The following UPB1 variants were observed in gnomAD, a reference collection of about 807,000 sequenced individuals.
The protein encoded by UPB1 is beta-ureidopropionase.
In UPB1, 40 loss-of-function variants were observed where a neutral mutation model predicts 49.1. The ratio of observed to expected loss-of-function variants is 0.81; its 90% CI spans 0.63 to 1.06. The LOEUF (loss-of-function observed/expected upper bound fraction) is 1.06. Ranked by LOEUF, UPB1 falls within the 50% of genes least tolerant of loss-of-function variation. The probability of loss-of-function intolerance (pLI) is 0.00; values close to 1 mark genes in which losing one functional copy is unlikely to be tolerated. For missense variants in UPB1, 499 were observed against 505.9 expected, an observed-to-expected ratio of 0.99 and a Z score of 0.13; for synonymous variants, 207 against 198.2, an observed-to-expected ratio of 1.04 and a Z score of -0.38.
rs1372425967 is a variant in UPB1, at chr22:24,515,390, C to T, written c.791+20C>T. 59 of 1,613,840 alleles carry T rather than the reference C, an allele frequency of 3.7e-5. No individual in the cohort carries two copies. The highest frequency in any genetic ancestry group is 4.8e-5 in the Non-Finnish European group (57 of 1,179,916). The stretch of plus-strand genomic sequence containing the variant: ...ACTCAGGTCACTCAGTTGGTGGGGT[C>T]TGGGGGGCTTCCTGGGGCCCAGCCA... On this transcript the variant is annotated intron_variant, in intron 6 of 9. Coordinates refer to ENST00000326010, the MANE Select transcript of UPB1 (RefSeq NM_016327.3).
chr22:24,528,188 G>T lies in UPB1; in HGVS notation c.*2394G>T, dbSNP rs1475519094. ...AGGGTGTAATCAACCTAATACAGAAGCCAGCTTAGGTGACAAATTGGTACA... is the reference window on the plus strand; with the variant it reads ...AGGGTGTAATCAACCTAATACAGAATCCAGCTTAGGTGACAAATTGGTACA... On this transcript the variant is annotated 3_prime_UTR_variant, in exon 10 of 10. Coordinates refer to ENST00000326010, the MANE Select transcript of UPB1 (RefSeq NM_016327.3). 1 of 152,212 alleles carries T rather than the reference G, an allele frequency of 6.6e-6. No homozygotes were observed. The highest frequency in any genetic ancestry group is 1.5e-5 in the Non-Finnish European group (1 of 68,042). 9.4% of individuals were successfully genotyped at this position (152,212 alleles called of 1,614,324 possible).
chr22:24,511,478 T>G (rs894020896), intron 4 of UPB1, among the ~76,000 whole-genome samples: 1 of 152,044 alleles, frequency 6.6e-6, no homozygotes, highest in Non-Finnish European at 1.5e-5. Context: ...TGCACAACTC[T>G]GTGAATATCC....
At chr22:24,498,549 T>A (rs1218754426) in intron 1 of UPB1, among the ~76,000 whole-genome samples, 1 of 152,042 alleles carries the variant, frequency 6.6e-6, no homozygotes, top group East Asian at 1.9e-4. Flanking sequence ...CGGCCTCTCC[T>A]GTATTACCTT....
chr22:24,523,852 G>T lies in UPB1; in HGVS notation c.1071+79G>T. ...TGCTCTCAGGAACTGCTGTTGCGGG[G>T]TTGCCCATGGCAGCATGAGGTACCA... On this transcript the variant is annotated intron_variant, in intron 9 of 9. Coordinates refer to ENST00000326010, the MANE Select transcript of UPB1 (RefSeq NM_016327.3). The T allele has an allele frequency of 3.1e-6, 5 of 1,604,266 alleles. No homozygotes were observed. In the South Asian group the frequency reaches 5.5e-5, roughly 18 times the overall value.
At chr22:24,502,360 C>G (rs200055353) in intron 3 of UPB1, 147 bp downstream of exon 3, 1 of 877,102 alleles carries the variant, frequency 1.1e-6, no homozygotes, top group African/African-American at 1.6e-5. Flanking sequence ...TCACCAGGAA[C>G]CCCGGCCTCC....
chr22:24,510,609 C>T, intron 3 of UPB1, 140 bp from the exon 4 acceptor site: 2 of 878,816 alleles, frequency 2.3e-6, no homozygotes, highest in Non-Finnish European at 1.9e-6. Context: ...CTGCCCACAG[C>T]CAGGAACAGG....
In UPB1 at chr22:24,527,356, CA is replaced by C. The variant is rs5844594; in HGVS notation, c.*1573del. The stretch of plus-strand genomic sequence containing the variant: ...GGACAACAGAGTGAGAGCCTATCTC[CA>C]AAAAAAAAAAGGGGTGGGGACCATA... On this transcript the variant is annotated 3_prime_UTR_variant, in exon 10 of 10. Coordinates refer to ENST00000326010, the MANE Select transcript of UPB1 (RefSeq NM_016327.3). 25,945 of 142,570 alleles carry C rather than the reference CA, an allele frequency of 0.18. 2,280 individuals carry two copies. Among genetic ancestry groups the C allele is most frequent in the South Asian group, 0.28 (1,275 of 4,602 alleles). The allele number at this position is 142,570 out of a possible 1,614,324, so 8.8% of individuals were successfully genotyped here.
In UPB1 at chr22:24,513,368, A is replaced by G; in HGVS notation, c.504A>G (p.Glu168=). The G allele has an allele frequency of 1.9e-6, 3 of 1,614,212 alleles. No individual in the cohort carries two copies. The highest frequency in any genetic ancestry group is 2.5e-6 in the Non-Finnish European group (3 of 1,180,040). ...HDMVVVSPIL[E]RDSEHGDVLW... Reference sequence around the variant, plus strand: ...TGGTGGTGGTGTCTCCCATCCTGGAACGAGACAGCGAGCATGGGGATGTTT... The same window carrying G: ...TGGTGGTGGTGTCTCCCATCCTGGAGCGAGACAGCGAGCATGGGGATGTTT... Residue 168 remains glutamate (E), a synonymous_variant, in exon 5 of 10, where the codon GAA becomes GAG. Transcript: ENST00000326010.
intron 5 of UPB1, among the ~76,000 whole-genome samples, chr22:24,514,688 C>T (rs1171393793): frequency 1.3e-5 from 2 of 152,208 alleles, no homozygotes; most frequent in African/African-American, 4.8e-5. Context: ...GGTGCGCTTT[C>T]AGGGTGTGGG....
rs537953793 is a variant in UPB1, at chr22:24,523,750, G to A, written c.1048G>A (p.Val350Met). 7 of 1,614,276 alleles carry A rather than the reference G, an allele frequency of 4.3e-6. No homozygotes were observed. The highest frequency in any genetic ancestry group is 2.2e-5 in the East Asian group (1 of 44,894). The change falls in exon 9 of 10, where the codon GTG becomes ATG. Residue 350 changes from valine (V) to methionine (M), a missense_variant. Transcript: ENST00000326010. ...AKLDLNLCQQ[V>M]NDVWNFKMTG... ...GCTCGACCTAAACCTCTGCCAGCAG[G>A]TGAATGATGTCTGGAACTTCAAGGT...
chr22:24,514,405 C>T (rs1045084160), intron 5 of UPB1, among the ~76,000 whole-genome samples: 7 of 152,194 alleles, frequency 4.6e-5, no homozygotes, highest in Non-Finnish European at 1.0e-4. Context: ...TGTCTCAGCA[C>T]AGCAGGATCT....
At chr22:24,496,357 T>G (rs1239818174) in intron 1 of UPB1, among the ~76,000 whole-genome samples, 1 of 145,986 alleles carries the variant, frequency 6.8e-6, no homozygotes, top group African/African-American at 2.6e-5. Context: ...GGAGTCAGAG[T>G]GAGGCCCTGT....
rs1209058397 is a variant in UPB1 at position 24,496,464 on chromosome 22, GATCTT to G, written c.104+963_104+967del. Among the ~76,000 whole-genome samples the G allele has an allele frequency of 9.9e-5, 15 of 151,794 alleles. No homozygotes were observed. In the South Asian group the frequency reaches 1.2e-3, roughly 13 times the overall value. Reference sequence around the variant, plus strand: ...GGAGCTTACTTGGATAATCCCGGATGATCTTATCTTGAGATCCTGACCTTAATTAC... The same window carrying G: ...GGAGCTTACTTGGATAATCCCGGATGATCTTGAGATCCTGACCTTAATTAC... On this transcript the variant is annotated intron_variant, in intron 1 of 9. Transcript: ENST00000326010.
chr22:24,525,880 C>A lies in UPB1; in HGVS notation c.*86C>A. 2 of 1,532,180 alleles carry A rather than the reference C, an allele frequency of 1.3e-6. No homozygotes were observed. The highest frequency in any genetic ancestry group is 1.4e-5 in the African/African-American group (1 of 73,304). 94.9% of individuals were successfully genotyped at this position (1,532,180 alleles called of 1,614,324 possible). A position where few individuals can be genotyped will look rare whatever the true frequency, so the allele number is the denominator to read the frequency against. On this transcript the variant is annotated 3_prime_UTR_variant, in exon 10 of 10. Coordinates refer to ENST00000326010, the MANE Select transcript of UPB1 (RefSeq NM_016327.3). ...GTGGCAGGCTTAACATGTCCAGGTT[C>A]TCCCCAATAACATTGTCCAGGTTGG...
rs528811477 is a variant in UPB1, at chr22:24,510,680, C to G, written c.365-69C>G. 3.6e-5 allele frequency: 55 copies of G among 1,515,434 alleles called. No homozygotes were observed. In the East Asian group the frequency reaches 1.1e-3, roughly 30 times the overall value. The allele number at this position is 1,515,434 out of a possible 1,614,324, so 93.9% of individuals were successfully genotyped here. On this transcript the variant is annotated intron_variant, in intron 3 of 9. Transcript: ENST00000326010. ...ATTCTTTTGCAGTGACTTCCCGCTGCTGGGCTGAGGAGCCCCCCTCAGAGG... is the reference window on the plus strand; with the variant it reads ...ATTCTTTTGCAGTGACTTCCCGCTGGTGGGCTGAGGAGCCCCCCTCAGAGG...
At position 24,523,679 on chromosome 22, in the gene UPB1, G is replaced by A. The variant is rs118163237; in HGVS notation, c.977G>A (p.Arg326Gln). Residue 326 changes from arginine (R) to glutamine (Q), a missense_variant, in exon 9 of 10, where the codon CGG (arginine) becomes CAG (glutamine). Arg to Gln is a conservative substitution (Grantham distance 43). Coordinates refer to ENST00000326010, the MANE Select transcript of UPB1 (RefSeq NM_016327.3). ...TATGTGGCAGCCCCTGACAGCAGCCGGACTCCTGGGCTGTCCCGTAGCCGG... is the reference window on the plus strand; with the variant it reads ...TATGTGGCAGCCCCTGACAGCAGCCAGACTCCTGGGCTGTCCCGTAGCCGG... The part of the protein sequence containing the change: ...SSYVAAPDSS[R>Q]TPGLSRSRDG... The A allele has an allele frequency of 6.0e-4, 970 of 1,614,252 alleles. 15 individuals are homozygous for A. The East Asian group carries it at 0.018, about 30-fold the overall frequency.
chr22:24,500,030 A>G, intron 1 of UPB1, 77 bp from the exon 2 acceptor site: 2 of 1,604,676 alleles, frequency 1.2e-6, no homozygotes, highest in Non-Finnish European at 1.7e-6. Context: ...ATAAATAGCT[A>G]CAAGAAATGG....
At chr22:24,523,303 C>T (rs1200333473) in intron 8 of UPB1, among the ~76,000 whole-genome samples, 1 of 152,162 alleles carries the variant, frequency 6.6e-6, no homozygotes, top group Non-Finnish European at 1.5e-5. Context: ...ACTGTGAGGG[C>T]CCCCATAGGA....
intron 2 of UPB1, among the ~76,000 whole-genome samples, chr22:24,500,557 T>C (rs1407567603): frequency 1.3e-5 from 2 of 152,216 alleles, no homozygotes; most frequent in African/African-American, 2.4e-5. Context: ...ACCGGGAGGG[T>C]GCCCTTTTGG....
Sources: allele counts gnomAD v4.1 joint callset (sites outside exome capture counted in the v4.1 genomes callset), GRCh38; gene constraint gnomAD v4.1.1; transcripts MANE v1.5; gene names NCBI Gene and HGNC (gene_info 2026-07-23, HGNC 2026-07-21).